LAMB4: variants seen among roughly 807,000 people sequenced by gnomAD.
LAMB4 encodes laminin subunit beta-4.
Under a neutral mutation model 199.2 loss-of-function variants are expected in LAMB4, and 196 were observed. The ratio of observed to expected loss-of-function variants is 0.98; its 90% confidence interval spans 0.88 to 1.11. The LOEUF (loss-of-function observed/expected upper bound fraction) is 1.11. LAMB4 is among the 50% of genes least tolerant of loss of function. The pLI is 0.00. For synonymous variants in LAMB4, 744 were observed against 770.6 expected, an observed-to-expected ratio of 0.97 and a Z score of 0.57; for missense variants, 2,080 against 2,171.2, an observed-to-expected ratio of 0.96 and a Z score of 0.83.
At position 108,078,212 on chromosome 7, in the gene LAMB4, T is replaced by C. The variant is rs1165919721; in HGVS notation, c.1992A>G (p.Pro664=). The change falls in exon 16 of 34, where the codon CCA becomes CCG. Residue 664 remains proline (P), a synonymous_variant. Coordinates refer to ENST00000388781, the MANE Select transcript of LAMB4 (RefSeq NM_007356.3). ...LQSKPQSFAL[P]AATRIMLLPT... ...GGTCTGAAACATACCTCGTAGCCGC[T>C]GGTAAGGCAAAAGACTGAGGCTTTG... 1.2e-5 allele frequency: 19 copies of C among 1,605,916 alleles called. No individual in the cohort carries two copies. Among genetic ancestry groups the C allele is most frequent in the Non-Finnish European group, 1.6e-5 (19 of 1,175,056 alleles).
intron 5 of LAMB4, 51 bp from the exon 6 acceptor site, chr7:108,107,870 A>T: frequency 8.2e-7 from 1 of 1,212,272 alleles, no homozygotes; most frequent in Non-Finnish European, 1.2e-6. Flanking sequence ...AGATTTTATT[A>T]TCAACTTCAG....
At chr7:108,094,109 G>C (rs913761478) in intron 12 of LAMB4, among the ~76,000 whole-genome samples, 1 of 151,464 alleles carries the variant, frequency 6.6e-6, no homozygotes, top group Non-Finnish European at 1.5e-5. Flanking sequence ...GTTCCCCCAT[G>C]GGGGGGGTCC....
chr7:108,078,358 A>T (rs766666729), intron 15 of LAMB4, 42 bp from the exon 16 acceptor site: 5 of 1,291,556 alleles, frequency 3.9e-6, no homozygotes, highest in African/African-American at 1.5e-5. Flanking sequence ...GCAAGGATGC[A>T]GGAAAATGTT....
intron 23 of LAMB4, among the ~76,000 whole-genome samples, chr7:108,059,297 G>A (rs376087444): frequency 1.3e-4 from 20 of 151,622 alleles, no homozygotes; most frequent in Non-Finnish European, 2.1e-4. Context: ...TAGTAGAGAC[G>A]GGGTTGAATC....
At chr7:108,061,140 T>C (rs2036146265) in intron 23 of LAMB4, among the ~76,000 whole-genome samples, 1 of 152,138 alleles carries the variant, frequency 6.6e-6, no homozygotes, top group Non-Finnish European at 1.5e-5. Context: ...TTGATGGACA[T>C]TCTACAAAAT....
intron 14 of LAMB4, among the ~76,000 whole-genome samples, chr7:108,091,086 A>G (rs940374719): frequency 4.5e-5 from 6 of 131,982 alleles, no homozygotes; most frequent in African/African-American, 1.7e-4. Flanking sequence ...AAAGACTTTC[A>G]CCTCGAATTA....
intron 1 of LAMB4, among the ~76,000 whole-genome samples, chr7:108,127,820 G>A (rs141755318): frequency 2.0e-5 from 3 of 152,162 alleles, no homozygotes; most frequent in African/African-American, 4.8e-5. Context: ...GCAGGCTGTC[G>A]TGTTGGGGTG....
At chr7:108,038,428 G>T (rs987860958) in intron 29 of LAMB4, among the ~76,000 whole-genome samples, 2 of 152,264 alleles carry the variant, frequency 1.3e-5, no homozygotes, top group Admixed American at 6.5e-5. Context: ...CCCAAAGTGC[G>T]GGGATACAGG....
chr7:108,057,929 C>T lies in LAMB4; in HGVS notation c.3283-1G>A, dbSNP rs2036038051. 1 of 1,607,780 alleles carries T rather than the reference C, an allele frequency of 6.2e-7. No homozygotes were observed. On this transcript the variant is annotated splice_acceptor_variant, in intron 23 of 33. Transcript: ENST00000388781. LOFTEE classifies it high-confidence loss of function. The stretch of plus-strand genomic sequence containing the variant: ...ATTTACACGGACACTGGCCTGTAAG[C>T]TGTGAGAACAGTCATGGGTGAGGAA...
chr7:108,046,194 G>A (rs953318788), intron 28 of LAMB4, among the ~76,000 whole-genome samples: 37 of 151,310 alleles, frequency 2.4e-4, no homozygotes, highest in African/African-American at 7.5e-4. Context: ...TCAGTCTCCC[G>A]AGTAGCTGGG....
At chr7:108,110,173 C>T (rs567571455) in intron 4 of LAMB4, among the ~76,000 whole-genome samples, 11 of 152,234 alleles carry the variant, frequency 7.2e-5, no homozygotes, top group Admixed American at 5.9e-4. Context: ...GGACTACATG[C>T]TTGCTCCACC....
At chr7:108,063,692 G>A (rs772006890) in intron 22 of LAMB4, 69 bp downstream of exon 22, 139 of 1,328,548 alleles carry the variant, frequency 1.0e-4, no homozygotes, top group South Asian at 2.6e-4. Flanking sequence ...GATCATGGGA[G>A]AGCTGACAAC....
chr7:108,122,047 G>T (rs2038618471), intron 2 of LAMB4, among the ~76,000 whole-genome samples: 1 of 152,192 alleles, frequency 6.6e-6, no homozygotes, highest in South Asian at 2.1e-4. Flanking sequence ...ACGATTGATT[G>T]CAGTGAGGTC....
intron 23 of LAMB4, 38 bp from the exon 24 acceptor site, chr7:108,057,966 T>C: frequency 1.4e-6 from 2 of 1,393,048 alleles, no homozygotes; most frequent in Non-Finnish European, 2.0e-6. Flanking sequence ...TGACAAGTTT[T>C]ATGGTCTAAA....
chr7:108,091,708 G>C lies in LAMB4; in HGVS notation c.1619C>G (p.Ala540Gly). The C allele has an allele frequency of 6.2e-7, 1 of 1,614,224 alleles. No individual in the cohort carries two copies. Among genetic ancestry groups the C allele is most frequent in the Non-Finnish European group, 8.5e-7 (1 of 1,180,032 alleles). ...CAAAGGAGCAAAGAAGTAGCCAGGG[G>C]CTGGTTCAGAGCAGCTACGGCCAGT... is the stretch of plus-strand genomic sequence containing the variant. ...HVTGRSCSEP[A>G]PGYFFAPLNF... Residue 540 changes from alanine (A) to glycine (G), a missense_variant, in exon 14 of 34, where the codon GCC becomes GGC. Coordinates refer to ENST00000388781, the MANE Select transcript of LAMB4 (RefSeq NM_007356.3).
chr7:108,017,704 A>C, the LAMB4 span, among the ~76,000 whole-genome samples: 9 of 152,206 alleles, frequency 5.9e-5, no homozygotes, highest in African/African-American at 2.2e-4. Context: ...GGAAAAGGTT[A>C]GGTTTGGGAG....
chr7:108,116,024 A>G lies in LAMB4; in HGVS notation c.172T>C (p.Cys58Arg). Residue 58 changes from cysteine to arginine, a missense_variant, in exon 3 of 34, where the codon TGC becomes CGC. Transcript: ENST00000388781. ...TCGLSRAQKY[C>R]ILSYLEGEQK... ...CCCACCTCCAGGTAACTGAGGATGCAGTATTTCTGGGCTCTGCTCAGCCCA... is the reference window on the plus strand; with the variant it reads ...CCCACCTCCAGGTAACTGAGGATGCGGTATTTCTGGGCTCTGCTCAGCCCA... The G allele has an allele frequency of 1.2e-6, 2 of 1,613,146 alleles. No homozygotes were observed. Among genetic ancestry groups the G allele is most frequent in the East Asian group, 2.2e-5 (1 of 44,872 alleles).
intron 1 of LAMB4, among the ~76,000 whole-genome samples, chr7:108,128,269 C>A (rs182319590): frequency 2.0e-5 from 3 of 152,112 alleles, no homozygotes; most frequent in African/African-American, 7.2e-5. Context: ...ATGTCTTGTT[C>A]GCTGACTCCA....
intron 11 of LAMB4, 52 bp from the exon 12 acceptor site, chr7:108,095,389 C>T (rs1422626036): frequency 7.6e-7 from 1 of 1,317,948 alleles, no homozygotes; most frequent in African/African-American, 1.4e-5. Flanking sequence ...TCCACTCTTG[C>T]AAGTGTACTT....
Sources: allele counts gnomAD v4.1 joint callset (sites outside exome capture counted in the v4.1 genomes callset), GRCh38; gene constraint gnomAD v4.1.1; transcripts MANE v1.5; gene names NCBI Gene and HGNC (gene_info 2026-07-23, HGNC 2026-07-21).